FAM193A: variants seen among roughly 807,000 people sequenced by gnomAD.
FAM193A encodes the protein protein FAM193A.
A neutral mutation model predicts 126.5 loss-of-function variants in FAM193A; 22 were observed. The observed-to-expected ratio is 0.17, with a 90% CI of 0.12 to 0.25. FAM193A has a LOEUF of 0.25. FAM193A is among the 10% of genes least tolerant of loss of function. The pLI is 1.00. For missense variants in FAM193A, 1,675 were observed against 1,672.8 expected (o/e 1.00, Z -0.02); for synonymous variants, 761 against 646.8 (o/e 1.18, Z -2.68).
intron 15 of FAM193A, 43 bp downstream of exon 15, chr4:2,691,013 G>C (rs1026850997): frequency 6.4e-6 from 10 of 1,560,870 alleles, no homozygotes; most frequent in Admixed American, 1.9e-5. Flanking sequence ...CTGCAGGAAG[G>C]CTGGGCTTAC....
At chr4:2,641,664 T>C (rs533555653) in intron 6 of FAM193A, among the ~76,000 whole-genome samples, 1 of 152,004 alleles carries the variant, frequency 6.6e-6, no homozygotes, top group Non-Finnish European at 1.5e-5. Flanking sequence ...GAAAACAAAA[T>C]ACAAAAACAA....
intron 13 of FAM193A, among the ~76,000 whole-genome samples, chr4:2,682,996 T>C (rs1016205718): frequency 6.6e-6 from 1 of 152,264 alleles, no homozygotes; most frequent in East Asian, 1.9e-4. Flanking sequence ...AGGAAATCTT[T>C]TGACATTTCT....
chr4:2,731,233 G>A (rs942579166), intron 20 of FAM193A, among the ~76,000 whole-genome samples: 1 of 150,422 alleles, frequency 6.6e-6, no homozygotes, highest in African/African-American at 2.4e-5. Flanking sequence ...AACCGGTGTG[G>A]TGGTACATGC....
intron 5 of FAM193A, among the ~76,000 whole-genome samples, chr4:2,637,059 G>A (rs1191185527): frequency 1.3e-5 from 2 of 152,152 alleles, no homozygotes; most frequent in Admixed American, 1.3e-4. Flanking sequence ...GGGCATGGTG[G>A]CCCACACCTG....
In FAM193A at chr4:2,689,537, C is replaced by T. The variant is rs769151023; in HGVS notation, c.2363C>T (p.Thr788Ile). ...CCGCCAGCACCTGTTCAGAATCACA[C>T]AAATAAGCATCAGGTATTCAATGCA... ...ALPPAPVQNH[T>I]NKHQVFNASL... is the part of the protein sequence containing the mutation. The change falls in exon 14 of 21, where the codon ACA becomes ATA. Residue 788 changes from threonine to isoleucine, a missense_variant. Thr to Ile is a moderately conservative substitution (Grantham distance 89). This residue lies in a region of FAM193A where 1,186 missense variants were observed against 1,109.2 expected (regional missense o/e 1.07). Transcript: ENST00000637812. 6.5e-7 allele frequency: 1 copy of T among 1,548,616 alleles called. No homozygotes were observed. Among genetic ancestry groups the T allele is most frequent in the Non-Finnish European group, 8.6e-7 (1 of 1,159,536 alleles).
intron 2 of FAM193A, among the ~76,000 whole-genome samples, chr4:2,600,126 G>A (rs1265015022): frequency 6.6e-6 from 1 of 152,144 alleles, no homozygotes; most frequent in Non-Finnish European, 1.5e-5. Flanking sequence ...TCAAACTCCT[G>A]GCCTCAAATG....
intron 13 of FAM193A, among the ~76,000 whole-genome samples, chr4:2,673,860 T>G (rs924278749): frequency 1.3e-5 from 2 of 152,220 alleles, no homozygotes; most frequent in Non-Finnish European, 2.9e-5. Context: ...AAAAATTGAT[T>G]ATTTTCCCGG....
At chr4:2,622,615 C>T (rs934001648) in intron 2 of FAM193A, among the ~76,000 whole-genome samples, 3 of 152,084 alleles carry the variant, frequency 2.0e-5, no homozygotes, top group African/African-American at 4.8e-5. Context: ...TTGTAAACAG[C>T]GGACATTTAT....
At chr4:2,583,826 C>T (rs1425480843) in intron 1 of FAM193A, among the ~76,000 whole-genome samples, 1 of 152,172 alleles carries the variant, frequency 6.6e-6, no homozygotes, top group East Asian at 1.9e-4. Context: ...CACAGCTCTC[C>T]AGCAGGTTCA....
rs1491332434 is a variant in FAM193A, at chr4:2,643,546, T to TG, written c.1164-3139_1164-3138insG. Among the ~76,000 whole-genome samples the TG allele has an allele frequency of 3.9e-4, 17 of 43,540 alleles. No individual in the cohort carries two copies. The African/African-American group carries it at 5.1e-3, about 13-fold the overall frequency. The allele number at this position is 43,540 out of a possible 152,430, so 28.6% of individuals were successfully genotyped here. On this transcript the variant is annotated intron_variant, in intron 6 of 20. Coordinates refer to ENST00000637812, the MANE Select transcript of FAM193A (RefSeq NM_001366318.2). Reference sequence around the variant, plus strand: ...TTTTCCTCACCCGAAACAGTAACTCTACCATTAAACAGTAACTCTCCATTG... The same window carrying TG: ...TTTTCCTCACCCGAAACAGTAACTCTGACCATTAAACAGTAACTCTCCATTG...
At chr4:2,583,443 T>C (rs749135315) in intron 1 of FAM193A, among the ~76,000 whole-genome samples, 3 of 152,082 alleles carry the variant, frequency 2.0e-5, no homozygotes, top group Non-Finnish European at 4.4e-5. Flanking sequence ...TGCCCCCAAA[T>C]TAGGACTTTT....
At chr4:2,719,094 A>G (rs1719841042) in intron 20 of FAM193A, among the ~76,000 whole-genome samples, 1 of 152,354 alleles carries the variant, frequency 6.6e-6, no homozygotes, top group African/African-American at 2.4e-5. Flanking sequence ...TTATGAGACA[A>G]GTAAAATTCT....
At chr4:2,705,275 C>T (rs188966926) in intron 19 of FAM193A, among the ~76,000 whole-genome samples, 1 of 152,322 alleles carries the variant, frequency 6.6e-6, no homozygotes, top group African/African-American at 2.4e-5. Flanking sequence ...GACATTCTCT[C>T]CCAGTTCATA....
chr4:2,555,770 AC>A (rs1021210514), intron 1 of FAM193A, among the ~76,000 whole-genome samples: 3 of 150,486 alleles, frequency 2.0e-5, no homozygotes, highest in African/African-American at 7.4e-5. Flanking sequence ...GGCGCCCACC[AC>A]CACACCCAGA....
intron 2 of FAM193A, among the ~76,000 whole-genome samples, chr4:2,610,282 T>A (rs1741786628): frequency 6.6e-6 from 1 of 152,118 alleles, no homozygotes; most frequent in Admixed American, 6.6e-5. Context: ...TTATCTTGAA[T>A]TGTTACCCAA....
intron 1 of FAM193A, among the ~76,000 whole-genome samples, chr4:2,587,321 A>G (rs1740289530): frequency 6.6e-6 from 1 of 152,134 alleles, no homozygotes; most frequent in African/African-American, 2.4e-5. Context: ...ATGGAATGAG[A>G]ACTCACTCAG....
intron 1 of FAM193A, among the ~76,000 whole-genome samples, chr4:2,582,338 G>T (rs1379570691): frequency 1.3e-5 from 2 of 151,978 alleles, no homozygotes; most frequent in Non-Finnish European, 2.9e-5. Flanking sequence ...ATGAGGTCTT[G>T]CTATGTTGCC....
At chr4:2,554,793 G>T (rs1162054836) in intron 1 of FAM193A, among the ~76,000 whole-genome samples, 1 of 152,140 alleles carries the variant, frequency 6.6e-6, no homozygotes, top group Non-Finnish European at 1.5e-5. Context: ...TTAGGTCTTG[G>T]TGAATTGACC....
intron 12 of FAM193A, among the ~76,000 whole-genome samples, chr4:2,667,224 T>G (rs1713219855): frequency 6.6e-6 from 1 of 152,230 alleles, no homozygotes; most frequent in South Asian, 2.1e-4. Flanking sequence ...TCTTGGTCTA[T>G]CCAGGCTACC....
Sources: allele counts gnomAD v4.1 joint callset (sites outside exome capture counted in the v4.1 genomes callset), GRCh38; gene constraint gnomAD v4.1.1; regional missense constraint gnomAD v4.1.1; transcripts MANE v1.5; gene names NCBI Gene and HGNC (gene_info 2026-07-23, HGNC 2026-07-21).